CELF2: variants seen among roughly 807,000 people sequenced by gnomAD.
The protein encoded by CELF2 is CUGBP Elav-like family member 2.
In CELF2, 8 loss-of-function variants were observed where a neutral mutation model predicts 62.6. The observed-to-expected ratio is 0.13, with a 90% CI of 0.07 to 0.23. CELF2 has a LOEUF of 0.23. Among genes scored for constraint, CELF2 ranks in the 10% least tolerant of loss-of-function variants. The probability of loss-of-function intolerance (pLI) is 1.00; values close to 1 mark genes in which losing one functional copy is unlikely to be tolerated. For synonymous variants in CELF2, 258 were observed against 250.0 expected, an observed-to-expected ratio of 1.03 and a Z score of -0.30; for missense variants, 333 against 671.0, an observed-to-expected ratio of 0.50 and a Z score of 5.56.
intron 2 of CELF2, among the ~76,000 whole-genome samples, chr10:10,954,402 T>C (rs1288326800): frequency 6.6e-6 from 1 of 151,986 alleles, no homozygotes; most frequent in Non-Finnish European, 1.5e-5. Context: ...CATGCCACCA[T>C]GCCCAGCTAA....
chr10:10,566,584 A>G, the CELF2 span, among the ~76,000 whole-genome samples: 1 of 100,706 alleles, frequency 9.9e-6, no homozygotes, highest in Non-Finnish European at 2.0e-5. Flanking sequence ...CGACCCCACC[A>G]CAGTCCCCAG....
chr10:10,988,928 A>T (rs1312356779), intron 2 of CELF2, among the ~76,000 whole-genome samples: 1 of 152,160 alleles, frequency 6.6e-6, no homozygotes, highest in Non-Finnish European at 1.5e-5. Context: ...TCATTTGCCA[A>T]AAAGATAAAT....
intron 1 of CELF2, among the ~76,000 whole-genome samples, chr10:10,843,921 A>G (rs1006608705): frequency 2.3e-4 from 35 of 151,980 alleles, no homozygotes; most frequent in African/African-American, 8.2e-4. Flanking sequence ...CATTGGAGAT[A>G]TGAGAAAACT....
the CELF2 span, among the ~76,000 whole-genome samples, chr10:10,602,490 G>A: frequency 9.7e-5 from 11 of 112,882 alleles, no homozygotes; most frequent in Middle Eastern, 4.4e-3. Context: ...GCATGTTCTA[G>A]ATAGCTAATG....
chr10:10,942,985 A>T (rs1253127844), intron 2 of CELF2, among the ~76,000 whole-genome samples: 1 of 152,202 alleles, frequency 6.6e-6, no homozygotes, highest in Admixed American at 6.5e-5. Flanking sequence ...AGGACCCACA[A>T]GTATTGAACT....
At chr10:11,248,389 C>T (rs1271862471) in intron 3 of CELF2, among the ~76,000 whole-genome samples, 1 of 152,102 alleles carries the variant, frequency 6.6e-6, no homozygotes, top group East Asian at 1.9e-4. Flanking sequence ...CTGTCATGTA[C>T]TGGACATGAT....
chr10:10,941,354 G>GA (rs1240466576), intron 2 of CELF2, among the ~76,000 whole-genome samples: 1 of 152,198 alleles, frequency 6.6e-6, no homozygotes, highest in Non-Finnish European at 1.5e-5. Flanking sequence ...GCCAGCTACA[G>GA]AGGAGTGTGG....
the CELF2 span, among the ~76,000 whole-genome samples, chr10:10,701,798 T>C: frequency 6.6e-6 from 1 of 152,224 alleles, no homozygotes. Flanking sequence ...ATCACCTCGC[T>C]TAGAGACCAT....
At chr10:10,539,774 T>C in the CELF2 span, among the ~76,000 whole-genome samples, 5 of 152,180 alleles carry the variant, frequency 3.3e-5, no homozygotes, top group African/African-American at 1.2e-4. Context: ...CAAGACATAA[T>C]AGAACACATT....
At chr10:10,571,356 G>C in the CELF2 span, among the ~76,000 whole-genome samples, 1 of 152,166 alleles carries the variant, frequency 6.6e-6, no homozygotes, top group Non-Finnish European at 1.5e-5. Flanking sequence ...CTGCAAGAAA[G>C]ATATTGCTTA....
chr10:10,836,651 AT>A (rs1205049851), intron 1 of CELF2, among the ~76,000 whole-genome samples: 1 of 151,896 alleles, frequency 6.6e-6, no homozygotes, highest in Non-Finnish European at 1.5e-5. Context: ...ATTTTATTTT[AT>A]TTTTTTTGAG....
In CELF2 at chr10:10,957,552, C is replaced by T. The variant is rs1255160231; in HGVS notation, c.89+37553C>T. Among the ~76,000 whole-genome samples the T allele has an allele frequency of 3.9e-5, 6 of 152,128 alleles. No individual in the cohort carries two copies. Among genetic ancestry groups the T allele is most frequent in the Non-Finnish European group, 8.8e-5 (6 of 68,028 alleles). On this transcript the variant is annotated intron_variant, in intron 2 of 13. Coordinates refer to the CELF2 transcript ENST00000636488. The surrounding 1 kb of genome is among the most constrained non-coding windows in gnomAD (Gnocchi z 4.1). Reference sequence around the variant, plus strand: ...CGATTGCTTCAGTCTTTCTTTCTCCCCATCCCTCCCCTCTCCCTAGATAGA... The same window carrying T: ...CGATTGCTTCAGTCTTTCTTTCTCCTCATCCCTCCCCTCTCCCTAGATAGA...
the CELF2 span, among the ~76,000 whole-genome samples, chr10:10,621,267 G>T: frequency 1.4e-5 from 2 of 144,516 alleles, no homozygotes; most frequent in South Asian, 4.3e-4. Context: ...AAAAAAAAAG[G>T]CTACAGTAGA....
chr10:11,180,723 A>G (rs531805463), intron 2 of CELF2, among the ~76,000 whole-genome samples: 1 of 152,314 alleles, frequency 6.6e-6, no homozygotes, highest in South Asian at 2.1e-4. Flanking sequence ...AGGGCTGACT[A>G]TACATTATCT....
the CELF2 span, among the ~76,000 whole-genome samples, chr10:10,758,109 T>C: frequency 6.6e-5 from 10 of 152,346 alleles, no homozygotes; most frequent in African/African-American, 2.2e-4. Context: ...GAAGCAGAAA[T>C]AATATCTCTG....
chr10:11,100,010 A>G (rs2051078882), intron 1 of CELF2, among the ~76,000 whole-genome samples: 1 of 151,844 alleles, frequency 6.6e-6, no homozygotes, highest in South Asian at 2.1e-4. Flanking sequence ...AGATCAGCCT[A>G]GCCAACATGG....
At chr10:10,665,837 G>C in the CELF2 span, among the ~76,000 whole-genome samples, 1 of 152,140 alleles carries the variant, frequency 6.6e-6, no homozygotes, top group Non-Finnish European at 1.5e-5. Flanking sequence ...TAGAAGAAGG[G>C]CATAATGTTC....
At chr10:11,320,788 A>G in intron 10 of CELF2, 1 of 1,451,452 alleles carries the variant, frequency 6.9e-7, no homozygotes, top group Non-Finnish European at 9.3e-7. Flanking sequence ...CAGTAAATGG[A>G]TTTCAGTGTA....
chr10:10,715,557 T>G, the CELF2 span, among the ~76,000 whole-genome samples: 96 of 152,352 alleles, frequency 6.3e-4, 1 homozygote, highest in African/African-American at 2.1e-3. Flanking sequence ...TGATCTATTT[T>G]ACATAATATT....
Sources: allele counts gnomAD v4.1 joint callset (sites outside exome capture counted in the v4.1 genomes callset), GRCh38; gene constraint gnomAD v4.1.1; non-coding constraint Gnocchi (gnomAD v3.1); transcripts MANE v1.5; gene names NCBI Gene and HGNC (gene_info 2026-07-23, HGNC 2026-07-21).